OXR1: variants seen among roughly 807,000 people sequenced by gnomAD.
OXR1 encodes oxidation resistance protein 1.
OXR1 carries 41 observed loss-of-function variants against 104.6 expected under a neutral mutation model. That is an observed-to-expected ratio of 0.39 (90% confidence interval 0.31 to 0.51). The LOEUF (loss-of-function observed/expected upper bound fraction) is 0.51, where lower values mean the gene tolerates loss of function less well. OXR1 is among the 20% of genes least tolerant of loss of function. The pLI, the probability that OXR1 is intolerant of heterozygous loss-of-function variation, is 0.77. For synonymous variants in OXR1, 348 were observed against 348.4 expected (o/e 1.00, Z 0.01); for missense variants, 955 against 1,031.9 (o/e 0.93, Z 1.02).
intron 2 of OXR1, among the ~76,000 whole-genome samples, chr8:106,387,211 T>C (rs1817412374): frequency 6.6e-6 from 1 of 152,252 alleles, no homozygotes; most frequent in Non-Finnish European, 1.5e-5. Flanking sequence ...TTAATTATCC[T>C]TGAAGCATAA....
intron 2 of OXR1, among the ~76,000 whole-genome samples, chr8:106,513,675 T>C (rs560485477): frequency 6.6e-6 from 1 of 152,192 alleles, no homozygotes; most frequent in Non-Finnish European, 1.5e-5. Context: ...GAGAAGCGGA[T>C]ATAATTTCCT....
At chr8:106,701,981 T>G (rs567701254) in intron 7 of OXR1, among the ~76,000 whole-genome samples, 2 of 152,300 alleles carry the variant, frequency 1.3e-5, no homozygotes, top group African/African-American at 4.8e-5. Flanking sequence ...ATTTGTTTTA[T>G]TTTTTTGAGA....
At chr8:106,576,783 C>T (rs16874864) in intron 3 of OXR1, among the ~76,000 whole-genome samples, 76,294 of 151,946 alleles carry the variant, frequency 0.5, 19,375 homozygotes, top group African/African-American at 0.54. Flanking sequence ...AACATCATCA[C>T]ATATTTAGTG....
chr8:106,405,075 A>C (rs540008786), intron 2 of OXR1, among the ~76,000 whole-genome samples: 26 of 150,236 alleles, frequency 1.7e-4, no homozygotes, highest in Middle Eastern at 3.5e-3. Flanking sequence ...TGCTTTCTTC[A>C]CTTCTGAAGA....
In OXR1 at chr8:106,551,864, G is replaced by A. The variant is rs1051806298; in HGVS notation, c.220+32725G>A. Among the ~76,000 whole-genome samples the A allele has an allele frequency of 6.8e-3, 645 of 95,022 alleles. 3 individuals are homozygous for A. Among genetic ancestry groups the A allele is most frequent in the African/African-American group, 0.025 (581 of 23,484 alleles). The allele number at this position is 95,022 out of a possible 152,430, so 62.3% of individuals were successfully genotyped here. On this transcript the variant is annotated intron_variant, in intron 3 of 16. Coordinates refer to ENST00000517566, the MANE Select transcript of OXR1 (RefSeq NM_001198533.2). ...TGTACATATATGTGTATATATATGT[G>A]TGTGTGTGTGTGTGTGTGTGTGTGT...
rs191705121 is a variant in OXR1, at chr8:106,525,440, C to T, written c.220+6301C>T. On this transcript the variant is annotated intron_variant, in intron 3 of 16. Coordinates refer to ENST00000517566, the MANE Select transcript of OXR1 (RefSeq NM_001198533.2). ...ACCACAACGTGCTATCTGTTTACCC[C>T]TCACCATAAGTATACAGCTAAAAGA... is the stretch of plus-strand genomic sequence containing the variant. 9.8e-5 allele frequency among the ~76,000 whole-genome samples: 15 copies of T among 152,338 alleles called. No individual in the cohort carries two copies. The East Asian group carries it at 2.7e-3, about 27-fold the overall frequency.
chr8:106,722,746 T>C (rs977849469), intron 11 of OXR1, among the ~76,000 whole-genome samples: 32 of 152,342 alleles, frequency 2.1e-4, no homozygotes, highest in Admixed American at 6.5e-5. Flanking sequence ...AAGTACACAC[T>C]GTGATGTTCA....
intron 3 of OXR1, among the ~76,000 whole-genome samples, chr8:106,669,029 C>A (rs976587579): frequency 3.3e-5 from 5 of 152,088 alleles, no homozygotes; most frequent in African/African-American, 1.2e-4. Context: ...TCTTTAATAT[C>A]ATGGATCTTT....
intron 2 of OXR1, among the ~76,000 whole-genome samples, chr8:106,494,208 G>T (rs2129887843): frequency 6.6e-6 from 1 of 152,236 alleles, no homozygotes; most frequent in Middle Eastern, 3.4e-3. Flanking sequence ...CCCTTCTACA[G>T]GCTTTTTCTT....
At chr8:106,271,702 C>A (rs1029940453) in intron 1 of OXR1, 1 of 152,244 alleles carries the variant, frequency 6.6e-6, no homozygotes, top group East Asian at 1.9e-4. Flanking sequence ...CTCCTTTTCC[C>A]AGGGTAGCAT....
At chr8:106,493,567 A>G (rs1009908982) in intron 2 of OXR1, among the ~76,000 whole-genome samples, 4 of 151,976 alleles carry the variant, frequency 2.6e-5, no homozygotes, top group Non-Finnish European at 4.4e-5. Flanking sequence ...TTAACTAACA[A>G]TGTCGGGCCA....
chr8:106,597,361 A>G (rs1819612709), intron 3 of OXR1, among the ~76,000 whole-genome samples: 1 of 152,108 alleles, frequency 6.6e-6, no homozygotes, highest in Non-Finnish European at 1.5e-5. Flanking sequence ...TCCTTCCAGA[A>G]CCTGCAGGCA....
intron 2 of OXR1, among the ~76,000 whole-genome samples, chr8:106,402,815 CTTTCT>C (rs374235527): frequency 6.6e-6 from 1 of 151,984 alleles, no homozygotes; most frequent in East Asian, 1.9e-4. Context: ...TTCTTTCTTT[CTTTCT>C]TTTCTTTTTT....
intron 3 of OXR1, among the ~76,000 whole-genome samples, chr8:106,627,651 A>C (rs1483453535): frequency 6.6e-6 from 1 of 152,190 alleles, no homozygotes; most frequent in Admixed American, 6.6e-5. Context: ...CCCGCAGCCA[A>C]GAAGCAATTA....
At chr8:106,746,425 T>C (rs747539632) in intron 16 of OXR1, among the ~76,000 whole-genome samples, 8 of 152,156 alleles carry the variant, frequency 5.3e-5, no homozygotes, top group Non-Finnish European at 1.0e-4. Flanking sequence ...AATCTTTGCA[T>C]TGTTGGGAGG....
intron 7 of OXR1, among the ~76,000 whole-genome samples, chr8:106,694,859 A>G (rs1207865879): frequency 2.3e-5 from 3 of 131,150 alleles, no homozygotes; most frequent in Middle Eastern, 4.4e-3. Context: ...TAATATATAA[A>G]TACATTTATA....
At chr8:106,644,316 T>G (rs758787900) in intron 3 of OXR1, among the ~76,000 whole-genome samples, 9 of 152,204 alleles carry the variant, frequency 5.9e-5, no homozygotes, top group Non-Finnish European at 1.2e-4. Context: ...GCAAAATCAT[T>G]AACAAATCAG....
chr8:106,731,963 G>C (rs975232288), intron 11 of OXR1, among the ~76,000 whole-genome samples: 1 of 152,102 alleles, frequency 6.6e-6, no homozygotes, highest in African/African-American at 2.4e-5. Context: ...GATTGAAATT[G>C]TATTGAATCC....
intron 1 of OXR1, among the ~76,000 whole-genome samples, chr8:106,339,830 TA>T (rs1815166198): frequency 6.6e-6 from 1 of 151,972 alleles, no homozygotes; most frequent in African/African-American, 2.4e-5. Context: ...ATTTTACAGA[TA>T]TAAAACTAAG....
Sources: allele counts gnomAD v4.1 joint callset (sites outside exome capture counted in the v4.1 genomes callset), GRCh38; gene constraint gnomAD v4.1.1; transcripts MANE v1.5; gene names NCBI Gene and HGNC (gene_info 2026-07-23, HGNC 2026-07-21).